The following GPC5 variants were observed in gnomAD, a reference collection of about 807,000 sequenced individuals.
The protein encoded by GPC5 is glypican-5.
A neutral mutation model predicts 53.9 loss-of-function variants in GPC5; 47 were observed. That is an observed-to-expected ratio of 0.87 (90% CI 0.69 to 1.11). The LOEUF is 1.11. GPC5 is among the 50% of genes most tolerant of loss of function. GPC5 has a pLI of 0.00. For missense variants in GPC5, 748 were observed against 713.1 expected (o/e 1.05, Z -0.56); for synonymous variants, 286 against 263.3 (o/e 1.09, Z -0.84).
chr13:92,249,256 T>G (rs1232097250), intron 7 of GPC5, among the ~76,000 whole-genome samples: 1 of 152,174 alleles, frequency 6.6e-6, no homozygotes, highest in African/African-American at 2.4e-5. Context: ...GAAGGCTGCC[T>G]GATATGGCCT....
At chr13:91,599,903 A>T (rs1026303276) in intron 2 of GPC5, among the ~76,000 whole-genome samples, 4 of 152,224 alleles carry the variant, frequency 2.6e-5, no homozygotes, top group African/African-American at 9.6e-5. Flanking sequence ...TTATGAAAAG[A>T]TAAGCATGTA....
intron 2 of GPC5, among the ~76,000 whole-genome samples, chr13:91,527,913 G>T (rs1457271345): frequency 6.6e-6 from 1 of 152,192 alleles, no homozygotes; most frequent in Non-Finnish European, 1.5e-5. Flanking sequence ...GGAGGGGCTG[G>T]GAGGCAGGGC....
At chr13:91,425,719 A>T (rs1011012875) in intron 1 of GPC5, among the ~76,000 whole-genome samples, 7 of 152,202 alleles carry the variant, frequency 4.6e-5, no homozygotes, top group Non-Finnish European at 7.3e-5. Context: ...ATAAATGGAT[A>T]CCATGGAGAG....
intron 7 of GPC5, among the ~76,000 whole-genome samples, chr13:92,384,754 A>G (rs1054964454): frequency 3.9e-5 from 6 of 152,118 alleles, no homozygotes; most frequent in African/African-American, 1.4e-4. Context: ...AGAGAGCAGC[A>G]TTTTCCCCAC....
At chr13:92,013,901 A>C (rs1250269056) in intron 6 of GPC5, among the ~76,000 whole-genome samples, 2 of 152,216 alleles carry the variant, frequency 1.3e-5, no homozygotes, top group Non-Finnish European at 2.9e-5. Context: ...AAAACATGAT[A>C]TATGTATTTA....
At chr13:91,654,733 T>C (rs569908995) in intron 2 of GPC5, among the ~76,000 whole-genome samples, 9 of 152,302 alleles carry the variant, frequency 5.9e-5, no homozygotes, top group African/African-American at 2.2e-4. Flanking sequence ...AATGCCTGGC[T>C]CTTCACATTT....
chr13:92,188,674 T>G (rs1046549413), intron 7 of GPC5, among the ~76,000 whole-genome samples: 2 of 152,024 alleles, frequency 1.3e-5, no homozygotes, highest in South Asian at 2.1e-4. Context: ...TATAACAGGG[T>G]TTTTCACATT....
chr13:92,352,505 TG>T (rs2043487448), intron 7 of GPC5, among the ~76,000 whole-genome samples: 1 of 152,138 alleles, frequency 6.6e-6, no homozygotes, highest in South Asian at 2.1e-4. Context: ...CTCTTAAAAA[TG>T]AATAAGGAAA....
chr13:92,624,419 T>C (rs1884981599), intron 7 of GPC5, among the ~76,000 whole-genome samples: 1 of 152,182 alleles, frequency 6.6e-6, no homozygotes, highest in South Asian at 2.1e-4. Flanking sequence ...AGGCAAACCC[T>C]TTAATGGAAA....
In GPC5 at chr13:92,439,009, G is replaced by C. The variant is rs77130677; in HGVS notation, c.1561+294020G>C. On this transcript the variant is annotated intron_variant, in intron 7 of 7. Transcript: ENST00000377067. ...GTTGGATATACTGGTCTGGAGCTCAGATAAAAGACCAGGACTAGAGAAATC... is the reference window on the plus strand; with the variant it reads ...GTTGGATATACTGGTCTGGAGCTCACATAAAAGACCAGGACTAGAGAAATC... Among the ~76,000 whole-genome samples the C allele has an allele frequency of 7.0e-3, 1,066 of 152,244 alleles. 6 individuals are homozygous for C. The highest frequency in any genetic ancestry group is 0.024 in the African/African-American group (1,013 of 41,550).
At chr13:92,779,776 C>A (rs191678863) in intron 7 of GPC5, among the ~76,000 whole-genome samples, 204 of 152,264 alleles carry the variant, frequency 1.3e-3, no homozygotes, top group African/African-American at 4.7e-3. Flanking sequence ...TCAGTTTACT[C>A]AGAGGTCACT....
intron 7 of GPC5, among the ~76,000 whole-genome samples, chr13:92,269,047 G>C (rs1490700666): frequency 1.3e-5 from 2 of 151,878 alleles, no homozygotes; most frequent in Non-Finnish European, 2.9e-5. Context: ...CTCTTCAAAT[G>C]CTTTTTCCCA....
intron 7 of GPC5, among the ~76,000 whole-genome samples, chr13:92,466,812 C>G (rs887831814): frequency 6.6e-6 from 1 of 151,760 alleles, no homozygotes; most frequent in Non-Finnish European, 1.5e-5. Flanking sequence ...GGGTTAATAC[C>G]GTAAAAAGTA....
intron 2 of GPC5, among the ~76,000 whole-genome samples, chr13:91,611,370 A>T (rs563967876): frequency 1.1e-4 from 17 of 152,276 alleles, no homozygotes; most frequent in African/African-American, 3.8e-4. Flanking sequence ...ATAAAGATAA[A>T]ATGTGTAGCC....
chr13:91,905,599 A>G (rs114735737), intron 5 of GPC5, among the ~76,000 whole-genome samples: 16 of 152,244 alleles, frequency 1.1e-4, no homozygotes, highest in African/African-American at 3.6e-4. Flanking sequence ...TGTTTGATCC[A>G]CTTCTTAAAA....
At chr13:92,211,988 A>G (rs921908619) in intron 7 of GPC5, among the ~76,000 whole-genome samples, 12 of 151,204 alleles carry the variant, frequency 7.9e-5, no homozygotes, top group African/African-American at 2.7e-4. Context: ...CAAATCCCCA[A>G]TGTGTTGGTA....
intron 7 of GPC5, among the ~76,000 whole-genome samples, chr13:92,807,004 GCAATAAAATGTACTA>G (rs1223204846): frequency 6.6e-6 from 1 of 152,026 alleles, no homozygotes; most frequent in Non-Finnish European, 1.5e-5. Flanking sequence ...AAAGTGCAGT[GCAATAAAATGTACTA>G]CATTTTGTCC....
intron 2 of GPC5, among the ~76,000 whole-genome samples, chr13:91,593,658 T>C (rs1379289418): frequency 3.9e-5 from 6 of 152,206 alleles, no homozygotes. Flanking sequence ...TTTACTTGGC[T>C]AGACCCAGCA....
At chr13:92,605,933 A>G (rs55943244) in intron 7 of GPC5, among the ~76,000 whole-genome samples, 5,623 of 152,218 alleles carry the variant, frequency 0.037, 144 homozygotes, top group Middle Eastern at 0.13. Context: ...CTGATGTGAA[A>G]ACAAAAAGGA....
Sources: gnomAD v4.1 joint callset for allele counts (sites outside exome capture counted in the v4.1 genomes callset) on GRCh38, gnomAD v4.1.1 for gene constraint, MANE v1.5 for transcripts, NCBI Gene and HGNC (gene_info 2026-07-23, HGNC 2026-07-21) for gene names.